Variants in NALCN observed in about 807,000 individuals in gnomAD.
NALCN encodes the protein sodium leak channel NALCN.
NALCN carries 111 observed loss-of-function variants against 225.3 expected under a neutral mutation model. The observed-to-expected ratio is 0.49, with a 90% CI of 0.42 to 0.58. The LOEUF is 0.58. Ranked by LOEUF, NALCN falls within the 20% of genes least tolerant of loss-of-function variation. The probability of loss-of-function intolerance (pLI) is 0.00; values close to 1 mark genes in which losing one functional copy is unlikely to be tolerated. For missense variants in NALCN, 1,378 were observed against 2,202.4 expected, an observed-to-expected ratio of 0.63 and a Z score of 7.49; for synonymous variants, 764 against 769.0, an observed-to-expected ratio of 0.99 and a Z score of 0.11.
intron 10 of NALCN, among the ~76,000 whole-genome samples, chr13:101,267,749 T>C (rs976779593): frequency 3.9e-5 from 6 of 151,906 alleles, no homozygotes; most frequent in Non-Finnish European, 8.8e-5. Flanking sequence ...GAGGCAGGGG[T>C]GAGCTCAGCT....
At chr13:101,164,436 T>A (rs2038343713) in intron 15 of NALCN, among the ~76,000 whole-genome samples, 1 of 152,050 alleles carries the variant, frequency 6.6e-6, no homozygotes, top group South Asian at 2.1e-4. Flanking sequence ...GGACCACAGG[T>A]ATGGACCACC....
In NALCN at chr13:101,055,207, G is replaced by C. The variant is rs1402729506; in HGVS notation, c.*88C>G. ...TGTGACAAGCTGGAATTCAGTTATAGATCAATTACAGATTGCTCACTGGAC... is the reference window on the plus strand; with the variant it reads ...TGTGACAAGCTGGAATTCAGTTATACATCAATTACAGATTGCTCACTGGAC... On this transcript the variant is annotated 3_prime_UTR_variant, in exon 44 of 44. Transcript: ENST00000251127. 4.9e-6 allele frequency: 5 copies of C among 1,020,498 alleles called. No individual in the cohort carries two copies. The Admixed American group carries it at 1.2e-4, about 24-fold the overall frequency. 63.2% of individuals were successfully genotyped at this position (1,020,498 alleles called of 1,614,324 possible).
At chr13:101,116,427 C>T in intron 18 of NALCN, 1 of 409,132 alleles carries the variant, frequency 2.4e-6, no homozygotes, top group Non-Finnish European at 4.8e-6. Context: ...TAAAATTGGC[C>T]CAAAGATTAT....
intron 13 of NALCN, among the ~76,000 whole-genome samples, chr13:101,193,599 T>C (rs1413305757): frequency 6.6e-6 from 1 of 152,224 alleles, no homozygotes; most frequent in Non-Finnish European, 1.5e-5. Context: ...AAGCGTGTTG[T>C]TATTGATACT....
intron 10 of NALCN, among the ~76,000 whole-genome samples, chr13:101,259,792 A>T (rs2042363937): frequency 7.3e-6 from 1 of 137,250 alleles, no homozygotes; most frequent in South Asian, 2.4e-4. Flanking sequence ...ATATATATTT[A>T]TGGAGTACAC....
rs1275124560 is a variant in NALCN, at chr13:101,416,470, C to T, written c.-197G>A. The T allele has an allele frequency of 6.6e-6, 1 of 151,624 alleles. No individual in the cohort carries two copies. Among genetic ancestry groups the T allele is most frequent in the East Asian group, 2.0e-4 (1 of 5,112 alleles). 9.4% of individuals were successfully genotyped at this position (151,624 alleles called of 1,614,324 possible). ...CTCAGCTCAGGCAGCGCGCTCGGCC[C>T]GGCTGGGGCCGCGGCTCACGCTCGC... On this transcript the variant is annotated 5_prime_UTR_variant, in exon 1 of 44. Transcript: ENST00000251127.
intron 13 of NALCN, among the ~76,000 whole-genome samples, chr13:101,203,617 T>A (rs1453445880): frequency 1.3e-5 from 2 of 152,264 alleles, no homozygotes; most frequent in East Asian, 1.9e-4. Flanking sequence ...AACTATTTTT[T>A]AAGGAATTTC....
rs753473563 is a variant in NALCN at position 101,083,742 on chromosome 13, G to A, written c.3552C>T (p.Ile1184=). The A allele has an allele frequency of 7.4e-6, 12 of 1,613,750 alleles. No homozygotes were observed. Among genetic ancestry groups the A allele is most frequent in the Admixed American group, 5.0e-5 (3 of 60,024 alleles). The part of the protein sequence containing the change: ...RWEDLKSRLK[I]AQPLHLPPRP... Reference sequence around the variant, plus strand: ...GAGGCGGAAGATGAAGAGGCTGTGCGATCTTCAGTCGGCTCTTCAGGTCTT... The same window carrying A: ...GAGGCGGAAGATGAAGAGGCTGTGCAATCTTCAGTCGGCTCTTCAGGTCTT... The change falls in exon 31 of 44, where the codon ATC becomes ATT. Residue 1184 remains isoleucine (I), a synonymous_variant. Coordinates refer to ENST00000251127, the MANE Select transcript of NALCN (RefSeq NM_052867.4).
At chr13:101,392,308 G>C (rs1379844828) in intron 3 of NALCN, among the ~76,000 whole-genome samples, 2 of 152,000 alleles carry the variant, frequency 1.3e-5, no homozygotes, top group Non-Finnish European at 2.9e-5. Flanking sequence ...CATTAAAATA[G>C]AATAAAAATG....
intron 1 of NALCN, among the ~76,000 whole-genome samples, chr13:101,410,253 A>T (rs2139553935): frequency 6.6e-6 from 1 of 152,298 alleles, no homozygotes; most frequent in African/African-American, 2.4e-5. Flanking sequence ...TATTTTTTTA[A>T]AAACATCTTC....
At chr13:101,382,139 T>C (rs9585683) in intron 3 of NALCN, among the ~76,000 whole-genome samples, 6,616 of 152,260 alleles carry the variant, frequency 0.043, 474 homozygotes, top group African/African-American at 0.15. Flanking sequence ...ATGTTATATG[T>C]AGCAGCACTA....
At chr13:101,237,949 T>G (rs763903424) in intron 11 of NALCN, 27 bp from the exon 12 acceptor site, 7 of 1,562,454 alleles carry the variant, frequency 4.5e-6, no homozygotes, top group Non-Finnish European at 4.3e-6. Flanking sequence ...ACATTGAAAT[T>G]GAAATTCAGA....
rs1243898586 is a variant in NALCN, at chr13:101,074,391, C to CCAA, written c.4103+120_4103+122dup. On this transcript the variant is annotated intron_variant, in intron 36 of 43. Transcript: ENST00000251127. ...AAACTTGGCTATTTTATTTTAATTT[C>CCAA]CAACTGATTACTTCCCTTTCCCCTC... 5.8e-6 allele frequency: 5 copies of CCAA among 863,312 alleles called. No homozygotes were observed. The East Asian group carries it at 1.6e-4, about 27-fold the overall frequency. 53.5% of individuals were successfully genotyped at this position (863,312 alleles called of 1,614,324 possible). A position where few individuals can be genotyped will look rare whatever the true frequency, so the allele number is the denominator to read the frequency against.
chr13:101,126,772 T>C (rs937260234), intron 17 of NALCN, among the ~76,000 whole-genome samples: 5 of 152,150 alleles, frequency 3.3e-5, no homozygotes, highest in African/African-American at 1.2e-4. Context: ...ATTACAGGCA[T>C]GAGCCACCAC....
chr13:101,128,441 G>A (rs1288311617), intron 17 of NALCN, among the ~76,000 whole-genome samples: 1 of 152,182 alleles, frequency 6.6e-6, no homozygotes, highest in East Asian at 1.9e-4. Context: ...ACATTCCAAT[G>A]TATGAATCTT....
chr13:101,083,875 T>G, intron 30 of NALCN, 71 bp from the exon 31 acceptor site: 1 of 1,444,582 alleles, frequency 6.9e-7, no homozygotes, highest in Non-Finnish European at 9.5e-7. Context: ...GCAGATGGGG[T>G]GCCGAGACAA....
intron 17 of NALCN, among the ~76,000 whole-genome samples, chr13:101,130,449 C>G (rs1566313504): frequency 6.6e-6 from 1 of 152,128 alleles, no homozygotes; most frequent in Non-Finnish European, 1.5e-5. Flanking sequence ...ATTTTTATGC[C>G]AAATGGTTTA....
chr13:101,213,915 C>G (rs1293699887), intron 13 of NALCN, among the ~76,000 whole-genome samples: 6 of 152,164 alleles, frequency 3.9e-5, no homozygotes, highest in Non-Finnish European at 8.8e-5. Context: ...ACTAGAAATA[C>G]CATTTGACCC....
chr13:101,182,337 TA>T (rs1388528273), intron 14 of NALCN, among the ~76,000 whole-genome samples: 1 of 152,070 alleles, frequency 6.6e-6, no homozygotes, highest in African/African-American at 2.4e-5. Context: ...GCAAGACTCC[TA>T]AAGGAAGAGC....
Sources: allele counts gnomAD v4.1 joint callset (sites outside exome capture counted in the v4.1 genomes callset), GRCh38; gene constraint gnomAD v4.1.1; transcripts MANE v1.5; gene names NCBI Gene and HGNC (gene_info 2026-07-23, HGNC 2026-07-21).